Variants in DIP2A observed in about 807,000 individuals in gnomAD.
DIP2A encodes DIP2 acetate--CoA ligase A, also known as disco-interacting protein 2 homolog A.
In DIP2A, 85 loss-of-function variants were observed where a neutral mutation model predicts 177.4. That is an observed-to-expected ratio of 0.48 (90% CI 0.40 to 0.57). The LOEUF (loss-of-function observed/expected upper bound fraction) is 0.57. Ranked by LOEUF, DIP2A falls within the 20% of genes least tolerant of loss-of-function variation. The pLI, the probability that DIP2A is intolerant of heterozygous loss-of-function variation, is 0.00. For missense variants in DIP2A, 1,791 were observed against 2,100.2 expected, an observed-to-expected ratio of 0.85 and a Z score of 2.88; for synonymous variants, 886 against 881.8, an observed-to-expected ratio of 1.00 and a Z score of -0.08.
chr21:46,557,592 T>G lies in DIP2A; in HGVS notation c.3637T>G (p.Ser1213Ala). Residue 1213 changes from serine (S) to alanine (A), a missense_variant, in exon 31 of 38, where the codon TCG becomes GCG. Coordinates refer to ENST00000417564, the MANE Select transcript of DIP2A (RefSeq NM_015151.4). This position sits in a 1 kb window ranked among gnomAD's most constrained non-coding sequence, Gnocchi z 6.0. Reference sequence around the variant, plus strand: ...GAGCCTTCCCTCTCGCAGTGTCTACTCGGGACACCAATCAGTGCTGGTGCC... The same window carrying G: ...GAGCCTTCCCTCTCGCAGTGTCTACGCGGGACACCAATCAGTGCTGGTGCC... ...FALWCLCSVY[S>A]GHQSVLVPPL... 3 of 1,611,638 alleles carry G rather than the reference T, an allele frequency of 1.9e-6. No homozygotes were observed. The highest frequency in any genetic ancestry group is 1.7e-6 in the Non-Finnish European group (2 of 1,178,676).
chr21:46,581,067 C>T, the DIP2A span, among the ~76,000 whole-genome samples: 1 of 152,220 alleles, frequency 6.6e-6, no homozygotes, highest in African/African-American at 2.4e-5. Context: ...CTCCCCATCT[C>T]TTCCAGGTAC....
chr21:46,543,066 A>G (rs868658897), intron 18 of DIP2A, among the ~76,000 whole-genome samples: 6 of 152,194 alleles, frequency 3.9e-5, no homozygotes, highest in Admixed American at 1.3e-4. Context: ...TTCTAGCTCT[A>G]CTTGTTACTC....
At chr21:46,583,771 T>A in the DIP2A span, among the ~76,000 whole-genome samples, 1 of 152,204 alleles carries the variant, frequency 6.6e-6, no homozygotes, top group African/African-American at 2.4e-5. Context: ...CCTCCCACCA[T>A]GGGATGATGC....
intron 26 of DIP2A, 30 bp from the exon 27 acceptor site, chr21:46,554,545 C>T (rs1207574806): frequency 6.2e-7 from 1 of 1,603,408 alleles, no homozygotes; most frequent in Non-Finnish European, 8.5e-7. Context: ...TTGCGGCCGG[C>T]CTCCTCACAG....
At chr21:46,567,285 C>A in intron 37 of DIP2A, 85 bp from the exon 38 acceptor site, 1 of 1,532,830 alleles carries the variant, frequency 6.5e-7, no homozygotes, top group Non-Finnish European at 8.8e-7. Flanking sequence ...CTTCACTCTT[C>A]TTTGTGCCAC....
chr21:46,561,925 G>T (rs991052809), intron 34 of DIP2A, 120 bp downstream of exon 34: 2 of 1,495,242 alleles, frequency 1.3e-6, no homozygotes, highest in South Asian at 1.4e-5. Context: ...TTCTGGTTGG[G>T]GTGGGCTCGG....
intron 25 of DIP2A, among the ~76,000 whole-genome samples, chr21:46,552,147 A>G (rs2060298396): frequency 6.6e-6 from 1 of 152,088 alleles, no homozygotes; most frequent in Non-Finnish European, 1.5e-5. Context: ...CACACATTTC[A>G]CACAATAGTA....
At chr21:46,544,348 G>A (rs762826277) in intron 18 of DIP2A, among the ~76,000 whole-genome samples, 19 of 152,214 alleles carry the variant, frequency 1.2e-4, no homozygotes, top group Non-Finnish European at 2.5e-4. Flanking sequence ...ATTGAAGAAC[G>A]AGGCAGACAG....
chr21:46,570,176 G>C (rs1205005813), downstream of DIP2A, among the ~76,000 whole-genome samples: 3 of 152,178 alleles, frequency 2.0e-5, no homozygotes, highest in Non-Finnish European at 4.4e-5. Context: ...ACTGCCTTGG[G>C]CTCAGTTCTT....
chr21:46,575,764 G>C, the DIP2A span, among the ~76,000 whole-genome samples: 2 of 152,138 alleles, frequency 1.3e-5, no homozygotes, highest in African/African-American at 4.8e-5. Context: ...AGAAATAAGT[G>C]GAAAGACATC....
In DIP2A at chr21:46,563,431, G is replaced by C. The variant is rs772363638; in HGVS notation, c.4090-427G>C. On this transcript the variant is annotated intron_variant, in intron 34 of 37. Coordinates refer to ENST00000417564, the MANE Select transcript of DIP2A (RefSeq NM_015151.4). The surrounding 1 kb of genome is among the most constrained non-coding windows in gnomAD (Gnocchi z 4.3). ...AGAGCCAGTGCTCAGTGGTTGGACT[G>C]ACTCGGAGTCACGGGCAGGAAGAAC... 1.3e-5 allele frequency among the ~76,000 whole-genome samples: 2 copies of C among 152,192 alleles called. No homozygotes were observed. The highest frequency in any genetic ancestry group is 2.4e-5 in the African/African-American group (1 of 41,450).
Position 46,498,588 on chromosome 21 carries a change from C to T in DIP2A, c.410C>T (p.Ser137Leu), listed in dbSNP as rs759704111. ...SVETYTPPDT[S>L]SASEDEGSLR... ...ATCGTTATTTTAACCACAGACACGTCGTCTGCCTCAGAAGATGAGGGCTCT... is the reference window on the plus strand; with the variant it reads ...ATCGTTATTTTAACCACAGACACGTTGTCTGCCTCAGAAGATGAGGGCTCT... The change falls in exon 5 of 38, where the codon TCG (serine) becomes TTG (leucine). Residue 137 changes from serine (S) to leucine (L), a missense_variant. Physicochemically the swap from Ser to Leu is moderately radical, Grantham distance 145 (BLOSUM62 -2). Transcript: ENST00000417564. The surrounding 1 kb of genome is among the most constrained non-coding windows in gnomAD (Gnocchi z 4.3). 24 of 1,606,270 alleles carry T rather than the reference C, an allele frequency of 1.5e-5. No individual in the cohort carries two copies. Among genetic ancestry groups the T allele is most frequent in the Non-Finnish European group, 6.0e-6 (7 of 1,174,816 alleles).
Position 46,568,792 on chromosome 21 carries a change from G to A in DIP2A, c.*1170G>A, listed in dbSNP as rs145806906. On this transcript the variant is annotated 3_prime_UTR_variant, in exon 38 of 38. Transcript: ENST00000417564. The stretch of plus-strand genomic sequence containing the variant: ...TTGGAAGCATTGTGGTAAAGTCTAA[G>A]GTTTTCATATCCATAGTGCTGTTTG... The A allele has an allele frequency of 1.3e-5, 2 of 152,272 alleles. No homozygotes were observed. The highest frequency in any genetic ancestry group is 4.8e-5 in the African/African-American group (2 of 41,538). 9.4% of individuals were successfully genotyped at this position (152,272 alleles called of 1,614,324 possible).
At position 46,503,669 on chromosome 21, in the gene DIP2A, CTTTCTTTCTTTCTTTTCTTT is replaced by C. The variant is rs1568987695; in HGVS notation, c.656-691_656-672del. 4.8e-5 allele frequency among the ~76,000 whole-genome samples: 6 copies of C among 125,480 alleles called. 1 individual carries two copies. The highest frequency in any genetic ancestry group is 2.2e-4 in the East Asian group (1 of 4,552). The allele number at this position is 125,480 out of a possible 152,430, so 82.3% of individuals were successfully genotyped here. A position where few individuals can be genotyped will look rare whatever the true frequency, so the allele number is the denominator to read the frequency against. Reference sequence around the variant, plus strand: ...TCTTTCTTTTTCTTTCTTTCTTTTTCTTTCTTTCTTTCTTTTCTTTCTTTCTTCTTTCTCTTTCCTTCCTT... The same window carrying C: ...TCTTTCTTTTTCTTTCTTTCTTTTTCCTTTCTTCTTTCTCTTTCCTTCCTT... On this transcript the variant is annotated intron_variant, in intron 5 of 37. Transcript: ENST00000417564.
At chr21:46,500,649 C>T (rs1440171253) in intron 5 of DIP2A, among the ~76,000 whole-genome samples, 1 of 152,360 alleles carries the variant, frequency 6.6e-6, no homozygotes, top group East Asian at 1.9e-4. Flanking sequence ...GTCATCTCAA[C>T]ACTGTTTCCG....
intron 16 of DIP2A, chr21:46,538,887 C>G: frequency 2.8e-6 from 1 of 351,062 alleles, no homozygotes; most frequent in East Asian, 7.8e-5. Flanking sequence ...TGTGCTGTGG[C>G]CTGGGGTTCC....
In DIP2A at chr21:46,537,549, ACCATGGTCAGGG is replaced by A. The variant is rs928052502; in HGVS notation, c.1801+13_1801+24del. The A allele has an allele frequency of 1.9e-6, 3 of 1,613,626 alleles. No homozygotes were observed. In the African/African-American group the frequency reaches 4.0e-5, roughly 22 times the overall value. On this transcript the variant is annotated intron_variant, in intron 15 of 37. Coordinates refer to ENST00000417564, the MANE Select transcript of DIP2A (RefSeq NM_015151.4). The surrounding 1 kb of genome is among the most constrained non-coding windows in gnomAD (Gnocchi z 4.1). ...GTGTGCTTCTATAAAGGTAACGGAT[ACCATGGTCAGGG>A]CCTTCACCCTTCTTTAGGGAAATCT...
chr21:46,472,516 T>C (rs1253725876), intron 1 of DIP2A, among the ~76,000 whole-genome samples: 2 of 152,216 alleles, frequency 1.3e-5, no homozygotes, highest in African/African-American at 4.8e-5. Context: ...TCATCAGCAC[T>C]GCGCAAGCTG....
chr21:46,462,997 A>T (rs1270729641), intron 1 of DIP2A: 1 of 152,230 alleles, frequency 6.6e-6, no homozygotes, highest in Non-Finnish European at 1.5e-5. Flanking sequence ...TAGATTCCCA[A>T]GAGGGAAATA....
Sources: allele counts gnomAD v4.1 joint callset (sites outside exome capture counted in the v4.1 genomes callset), GRCh38; gene constraint gnomAD v4.1.1; non-coding constraint Gnocchi (gnomAD v3.1); transcripts MANE v1.5; gene names NCBI Gene and HGNC (gene_info 2026-07-23, HGNC 2026-07-21).